Variants in VPS13C observed in about 807,000 individuals in gnomAD.
The protein encoded by VPS13C is intermembrane lipid transfer protein VPS13C.
A neutral mutation model predicts 456.8 loss-of-function variants in VPS13C; 358 were observed. The ratio of observed to expected loss-of-function variants is 0.78; its 90% CI spans 0.72 to 0.86. VPS13C has a LOEUF of 0.86. VPS13C is among the 40% of genes least tolerant of loss of function. The pLI is 0.00. For missense variants in VPS13C, 4,818 were observed against 4,385.4 expected (o/e 1.10, Z -2.79); for synonymous variants, 1,578 against 1,486.7 (o/e 1.06, Z -1.41).
At chr15:62,045,412 T>C (rs958759592) in intron 1 of VPS13C, among the ~76,000 whole-genome samples, 3 of 151,990 alleles carry the variant, frequency 2.0e-5, no homozygotes, top group East Asian at 1.9e-4. Flanking sequence ...AGAACACACA[T>C]AGGTTTAGGC....
intron 48 of VPS13C, among the ~76,000 whole-genome samples, chr15:61,935,092 T>G (rs1344428476): frequency 6.6e-6 from 1 of 152,186 alleles, no homozygotes; most frequent in Non-Finnish European, 1.5e-5. Context: ...CCATTTTCTT[T>G]ATCAGAAGAA....
At position 61,890,403 on chromosome 15, in the gene VPS13C, G is replaced by A; in HGVS notation, c.9106-3C>T. 1 of 1,611,930 alleles carries A rather than the reference G, an allele frequency of 6.2e-7. No homozygotes were observed. Among genetic ancestry groups the A allele is most frequent in the South Asian group, 1.1e-5 (1 of 90,944 alleles). On this transcript the variant is annotated splice_region_variant and splice_polypyrimidine_tract_variant and intron_variant, in intron 66 of 84. Coordinates refer to ENST00000644861, the MANE Select transcript of VPS13C (RefSeq NM_020821.3). ...TATGGAAACTGTCCACATCCATCCT[G>A]GGAAGAAGAAAGACTTCATTAAACC...
intron 66 of VPS13C, among the ~76,000 whole-genome samples, chr15:61,906,179 C>G (rs1195208971): frequency 6.6e-6 from 1 of 152,164 alleles, no homozygotes; most frequent in Non-Finnish European, 1.5e-5. Context: ...ACTCCCCTGT[C>G]ATGTCCACTT....
At chr15:61,903,448 A>G (rs1182821417) in intron 66 of VPS13C, among the ~76,000 whole-genome samples, 3 of 152,256 alleles carry the variant, frequency 2.0e-5, no homozygotes, top group East Asian at 3.9e-4. Flanking sequence ...AATACCTAGG[A>G]AAAAGATTTG....
intron 38 of VPS13C, among the ~76,000 whole-genome samples, chr15:61,953,755 A>C (rs1639514417): frequency 6.6e-6 from 1 of 152,046 alleles, no homozygotes; most frequent in Non-Finnish European, 1.5e-5. Flanking sequence ...ATTTCTCTTT[A>C]AAAACTTCAT....
chr15:61,917,998 T>C, intron 59 of VPS13C, 138 bp downstream of exon 59: 1 of 815,466 alleles, frequency 1.2e-6, no homozygotes, highest in Non-Finnish European at 1.8e-6. Flanking sequence ...TATAAATGTA[T>C]TTCTCAATGG....
intron 82 of VPS13C, 102 bp downstream of exon 82, chr15:61,863,338 T>C: frequency 1.2e-6 from 1 of 804,604 alleles, no homozygotes; most frequent in Non-Finnish European, 2.0e-6. Flanking sequence ...TTTGGAGAAT[T>C]TTAAGTACAA....
chr15:61,881,732 C>T lies in VPS13C; in HGVS notation c.9706+15G>A. ...TAAATAAGGTATATCTATGTCACAA[C>T]TTATTTTATTTTACCTGAATCTAAA... On this transcript the variant is annotated intron_variant, in intron 70 of 84. Transcript: ENST00000644861. 1.9e-6 allele frequency: 3 copies of T among 1,607,406 alleles called. No homozygotes were observed. The highest frequency in any genetic ancestry group is 1.7e-6 in the Non-Finnish European group (2 of 1,177,986).
At position 61,955,255 on chromosome 15, in the gene VPS13C, A is replaced by G. The variant is rs375974708; in HGVS notation, c.4166-701T>C. Among the ~76,000 whole-genome samples the G allele has an allele frequency of 3.3e-5, 5 of 152,288 alleles. No individual in the cohort carries two copies. In the South Asian group the frequency reaches 8.3e-4, roughly 25 times the overall value. Reference sequence around the variant, plus strand: ...GACTGTTCTATTTAATTCTTATGACATCTCTTTGAGATAAGAACTTTATTG... The same window carrying G: ...GACTGTTCTATTTAATTCTTATGACGTCTCTTTGAGATAAGAACTTTATTG... On this transcript the variant is annotated intron_variant, in intron 37 of 84. Transcript: ENST00000644861.
At chr15:62,060,206 T>A in intron 1 of VPS13C, 69 bp downstream of exon 1, 1 of 873,316 alleles carries the variant, frequency 1.1e-6, no homozygotes, top group Admixed American at 2.1e-5. Flanking sequence ...CCGGGCAGAA[T>A]CCCGGACGGA....
chr15:61,986,491 A>C (rs1203875110), intron 18 of VPS13C, among the ~76,000 whole-genome samples: 1 of 152,196 alleles, frequency 6.6e-6, no homozygotes, highest in Non-Finnish European at 1.5e-5. Context: ...AGAGAAAATA[A>C]GACACACATG....
chr15:61,973,605 A>G, intron 25 of VPS13C, 73 bp from the exon 26 acceptor site: 1 of 1,088,154 alleles, frequency 9.2e-7, no homozygotes, highest in East Asian at 2.4e-5. Context: ...TGAGAGGAAG[A>G]CTAAAAAGTA....
Position 61,864,203 on chromosome 15 carries a change from G to T in VPS13C, c.10864-675C>A, listed in dbSNP as rs186774143. ...ATCAAATTATATTTCTTATAGAAAAGAAAATATGACAATATTAATATGAAC... is the reference window on the plus strand; with the variant it reads ...ATCAAATTATATTTCTTATAGAAAATAAAATATGACAATATTAATATGAAC... On this transcript the variant is annotated intron_variant, in intron 81 of 84. Transcript: ENST00000644861. 7.7e-4 allele frequency: 407 copies of T among 526,376 alleles called. No individual in the cohort carries two copies. In the African/African-American group the frequency reaches 8.0e-3, roughly 10 times the overall value. 32.6% of individuals were successfully genotyped at this position (526,376 alleles called of 1,614,324 possible). A position where few individuals can be genotyped will look rare whatever the true frequency, so the allele number is the denominator to read the frequency against.
At chr15:61,985,717 CAG>C (rs2046028270) in intron 18 of VPS13C, among the ~76,000 whole-genome samples, 1 of 152,094 alleles carries the variant, frequency 6.6e-6, no homozygotes, top group Admixed American at 6.5e-5. Flanking sequence ...GATTTCTGTG[CAG>C]AGTTAGTAAG....
chr15:61,964,736 T>C lies in VPS13C; in HGVS notation c.3177A>G (p.Ser1059=). The C allele has an allele frequency of 1.2e-6, 2 of 1,608,024 alleles. No homozygotes were observed. The highest frequency in any genetic ancestry group is 1.7e-6 in the Non-Finnish European group (2 of 1,177,832). ...TTGAATTTTTTTGTTGTTTTTCAGT[T>C]GAAATTTGTACCTCCTTAGCAACAC... The part of the protein sequence containing the change: ...SISVAKEVQI[S]TEKQQKNSTL... The change falls in exon 31 of 85, where the codon TCA becomes TCG. Residue 1059 remains serine, a synonymous_variant. Transcript: ENST00000644861.
intron 3 of VPS13C, among the ~76,000 whole-genome samples, chr15:62,039,226 A>G (rs979399314): frequency 2.4e-4 from 36 of 152,214 alleles, no homozygotes; most frequent in African/African-American, 8.7e-4. Context: ...AATGTGATAC[A>G]TATATACCAT....
At position 61,857,244 on chromosome 15, in the gene VPS13C, G is replaced by A. The variant is rs1387169057; in HGVS notation, c.10953-835C>T. 4.6e-5 allele frequency among the ~76,000 whole-genome samples: 7 copies of A among 152,062 alleles called. No homozygotes were observed. The South Asian group carries it at 1.2e-3, about 27-fold the overall frequency. On this transcript the variant is annotated intron_variant, in intron 82 of 84. Coordinates refer to ENST00000644861, the MANE Select transcript of VPS13C (RefSeq NM_020821.3). ...AGGAGAAACAAACATGTAAATAAACGCTACAGCACAATTAGACAAGTGCTG... is the reference window on the plus strand; with the variant it reads ...AGGAGAAACAAACATGTAAATAAACACTACAGCACAATTAGACAAGTGCTG...
chr15:62,048,402 T>C (rs372473207), intron 1 of VPS13C, among the ~76,000 whole-genome samples: 4 of 151,830 alleles, frequency 2.6e-5, no homozygotes, highest in African/African-American at 4.8e-5. Flanking sequence ...TGGTTTCCAG[T>C]TTCATCCATG....
rs2048190768 is a variant in VPS13C, at chr15:62,040,082, T to C, written c.187+1242A>G. ...ACAACATGGATGGAACTGGGGGTCA[T>C]TATGTTAAGTGAAATAAGCCAGGCA... On this transcript the variant is annotated intron_variant, in intron 3 of 84. Coordinates refer to ENST00000644861, the MANE Select transcript of VPS13C (RefSeq NM_020821.3). Among the ~76,000 whole-genome samples the C allele has an allele frequency of 2.0e-5, 3 of 152,108 alleles. No individual in the cohort carries two copies. In the South Asian group the frequency reaches 6.2e-4, roughly 32 times the overall value.
Sources: allele counts gnomAD v4.1 joint callset (sites outside exome capture counted in the v4.1 genomes callset), GRCh38; gene constraint gnomAD v4.1.1; transcripts MANE v1.5; gene names NCBI Gene and HGNC (gene_info 2026-07-23, HGNC 2026-07-21).